The following ADNP2 variants were observed in gnomAD, a reference collection of about 807,000 sequenced individuals.
The protein encoded by ADNP2 is ADNP homeobox 2, also known as activity-dependent neuroprotector homeobox protein 2.
In ADNP2, 8 loss-of-function variants were observed where a neutral mutation model predicts 16.4. That is an observed-to-expected ratio of 0.49 (90% confidence interval 0.29 to 0.88). ADNP2 has a LOEUF of 0.88. ADNP2 is among the 40% of genes least tolerant of loss of function. ADNP2 has a pLI of 0.09. For missense variants in ADNP2, 1,397 were observed against 1,395.1 expected (o/e 1.00, Z -0.02); for synonymous variants, 637 against 545.8 (o/e 1.17, Z -2.33).
chr18:80,125,918 T>A (rs1170284431), intron 2 of ADNP2, among the ~76,000 whole-genome samples: 1 of 152,234 alleles, frequency 6.6e-6, no homozygotes, highest in Non-Finnish European at 1.5e-5. Context: ...ATTGAGTAGT[T>A]GTATGAGAGA....
rs1374770856 is a variant in ADNP2, at chr18:80,139,811, T to C, written c.*1002T>C. Reference sequence around the variant, plus strand: ...AAGTTTACAGACTGAGATCTCAGTCTCCATGGTTGGTACAGTAAGTCTTTG... The same window carrying C: ...AAGTTTACAGACTGAGATCTCAGTCCCCATGGTTGGTACAGTAAGTCTTTG... On this transcript the variant is annotated 3_prime_UTR_variant, in exon 4 of 4. Coordinates refer to ENST00000262198, the MANE Select transcript of ADNP2 (RefSeq NM_014913.4). 2 of 152,338 alleles carry C rather than the reference T, an allele frequency of 1.3e-5. No homozygotes were observed. The highest frequency in any genetic ancestry group is 3.9e-4 in the East Asian group (2 of 5,186). 9.4% of individuals were successfully genotyped at this position (152,338 alleles called of 1,614,324 possible). A position where few individuals can be genotyped will look rare whatever the true frequency, so the allele number is the denominator to read the frequency against.
chr18:80,122,831 C>A (rs750505839), intron 2 of ADNP2, among the ~76,000 whole-genome samples: 1 of 152,134 alleles, frequency 6.6e-6, no homozygotes, highest in Non-Finnish European at 1.5e-5. Context: ...CTGTTTAGAA[C>A]GTCCAGTATA....
rs771915418 is a variant in ADNP2 at position 80,136,031 on chromosome 18, A to G, written c.618A>G (p.Ile206Met). 1.3e-5 allele frequency: 21 copies of G among 1,614,126 alleles called. No individual in the cohort carries two copies. The highest frequency in any genetic ancestry group is 1.7e-5 in the Non-Finnish European group (20 of 1,180,052). The change falls in exon 4 of 4, where the codon ATA (isoleucine) becomes ATG (methionine). Residue 206 changes from isoleucine (I) to methionine (M), a missense_variant. Transcript: ENST00000262198. ...CGAAAACTAACGATACTGTTTCTAT[A>G]GAGAAGATCCCACCACCTGACAAAT... is the stretch of plus-strand genomic sequence containing the variant. ...EQPKTNDTVS[I>M]EKIPPPDKYY...
intron 1 of ADNP2, among the ~76,000 whole-genome samples, chr18:80,111,864 T>C (rs927314673): frequency 1.1e-4 from 16 of 152,238 alleles, no homozygotes; most frequent in African/African-American, 3.9e-4. Context: ...TTTTAGAATG[T>C]ATTTTTTTTT....
chr18:80,109,602 C>T (rs1310937526), intron 1 of ADNP2, 130 bp downstream of exon 1: 2 of 148,688 alleles, frequency 1.3e-5, no homozygotes, highest in Non-Finnish European at 3.0e-5. Context: ...CGCCCGCCGC[C>T]TGCCCTCGCG....
intron 3 of ADNP2, 39 bp from the exon 4 acceptor site, chr18:80,135,573 T>G (rs375983858): frequency 2.5e-5 from 38 of 1,547,848 alleles, no homozygotes; most frequent in Non-Finnish European, 3.1e-5. Flanking sequence ...ATCTGACAGT[T>G]TATTCAATTA....
Position 80,112,342 on chromosome 18 carries a change from T to C in ADNP2, c.-14+2870T>C, listed in dbSNP as rs564090658. On this transcript the variant is annotated intron_variant, in intron 1 of 3. Coordinates refer to ENST00000262198, the MANE Select transcript of ADNP2 (RefSeq NM_014913.4). Reference sequence around the variant, plus strand: ...AAAAGTCAGCTTCCCATCCCCAAAGTGGTTGGCAACAGTTATGAAACCTGT... The same window carrying C: ...AAAAGTCAGCTTCCCATCCCCAAAGCGGTTGGCAACAGTTATGAAACCTGT... Among the ~76,000 whole-genome samples, 113 of 152,074 alleles carry C rather than the reference T, an allele frequency of 7.4e-4. No homozygotes were observed. In the Middle Eastern group the frequency reaches 0.014, roughly 18 times the overall value.
chr18:80,138,544 A>G lies in ADNP2; in HGVS notation c.3131A>G (p.Lys1044Arg), dbSNP rs200163506. ...CTTCAGATTTTAGCATTAGATCCTA[A>G]AAAATATGAAGGCCGTTCTTATGAA... is the stretch of plus-strand genomic sequence containing the variant. ...EALQILALDP[K>R]KYEGRSYEEK... Residue 1044 changes from lysine (K) to arginine (R), a missense_variant, in exon 4 of 4, where the codon AAA (lysine) becomes AGA (arginine). By Grantham distance (26) the Lys-to-Arg change is conservative. Around this residue, in one of 3 missense-constraint regions of ADNP2, gnomAD observed 611 missense variants for 648.7 expected, o/e 0.94. Coordinates refer to ENST00000262198, the MANE Select transcript of ADNP2 (RefSeq NM_014913.4). The G allele has an allele frequency of 7.2e-5, 116 of 1,613,576 alleles. No individual in the cohort carries two copies. Among genetic ancestry groups the G allele is most frequent in the Non-Finnish European group, 9.4e-5 (111 of 1,179,932 alleles).
chr18:80,116,283 C>A (rs1035396296), intron 1 of ADNP2, among the ~76,000 whole-genome samples: 1 of 152,182 alleles, frequency 6.6e-6, no homozygotes, highest in African/African-American at 2.4e-5. Context: ...TTATCAAATG[C>A]CCCAATGCAG....
At chr18:80,126,043 C>T (rs1017123237) in intron 2 of ADNP2, among the ~76,000 whole-genome samples, 3 of 151,912 alleles carry the variant, frequency 2.0e-5, no homozygotes, top group Non-Finnish European at 4.4e-5. Flanking sequence ...TCTCCCATCT[C>T]GGTGTTTGTT....
At chr18:80,110,602 A>G (rs1436681088) in intron 1 of ADNP2, among the ~76,000 whole-genome samples, 2 of 152,202 alleles carry the variant, frequency 1.3e-5, no homozygotes, top group African/African-American at 4.8e-5. Context: ...ACCACATGTA[A>G]AAAGAGTTGT....
chr18:80,129,095 C>CTTTTTTTTTTTTTTTTTTT (rs1424348931), intron 2 of ADNP2, among the ~76,000 whole-genome samples: 1 of 132,210 alleles, frequency 7.6e-6, no homozygotes, highest in Non-Finnish European at 1.6e-5. Context: ...TTACCCAGAA[C>CTTTTTTTTTTTTTTTTTTT]TTTTTTTTTG....
At chr18:80,122,976 C>T (rs1335806141) in intron 2 of ADNP2, among the ~76,000 whole-genome samples, 3 of 151,860 alleles carry the variant, frequency 2.0e-5, no homozygotes, top group Non-Finnish European at 4.4e-5. Flanking sequence ...TGAGGAGAGT[C>T]CCTTCAATTC....
chr18:80,118,131 G>A (rs989590609), intron 2 of ADNP2, among the ~76,000 whole-genome samples: 4 of 152,102 alleles, frequency 2.6e-5, no homozygotes, highest in Middle Eastern at 6.3e-3. Context: ...AATAAAAGTT[G>A]TTGTATATCC....
In ADNP2 at chr18:80,113,500, A is replaced by T. The variant is rs558946146; in HGVS notation, c.-14+4028A>T. 2.0e-5 allele frequency among the ~76,000 whole-genome samples: 3 copies of T among 151,964 alleles called. No individual in the cohort carries two copies. The South Asian group carries it at 6.2e-4, about 32-fold the overall frequency. ...AGACTTTTCCTTCTTTACCTCAATAATTTTTTGATGCTAATTTATTCACCT... is the reference window on the plus strand; with the variant it reads ...AGACTTTTCCTTCTTTACCTCAATATTTTTTTGATGCTAATTTATTCACCT... On this transcript the variant is annotated intron_variant, in intron 1 of 3. Coordinates refer to ENST00000262198, the MANE Select transcript of ADNP2 (RefSeq NM_014913.4).
At chr18:80,127,190 G>A (rs926473098) in intron 2 of ADNP2, among the ~76,000 whole-genome samples, 12 of 152,088 alleles carry the variant, frequency 7.9e-5, no homozygotes, top group East Asian at 1.9e-4. Flanking sequence ...AGGAAAAAAC[G>A]TAGTATATGT....
chr18:80,113,942 G>A (rs377124319), intron 1 of ADNP2, among the ~76,000 whole-genome samples: 3 of 152,006 alleles, frequency 2.0e-5, no homozygotes, highest in South Asian at 2.1e-4. Flanking sequence ...TGTAATCCCC[G>A]TACTTTGAGA....
chr18:80,126,138 A>G (rs933071551), intron 2 of ADNP2, among the ~76,000 whole-genome samples: 2 of 151,630 alleles, frequency 1.3e-5, no homozygotes, highest in African/African-American at 2.4e-5. Flanking sequence ...TTTTATCTCT[A>G]TTACTGGCTT....
At position 80,132,410 on chromosome 18, in the gene ADNP2, A is replaced by G. The variant is rs574290194; in HGVS notation, c.109-693A>G. Among the ~76,000 whole-genome samples, 3 of 152,324 alleles carry G rather than the reference A, an allele frequency of 2.0e-5. No homozygotes were observed. In the East Asian group the frequency reaches 5.8e-4, roughly 29 times the overall value. On this transcript the variant is annotated intron_variant, in intron 2 of 3. Coordinates refer to ENST00000262198, the MANE Select transcript of ADNP2 (RefSeq NM_014913.4). ...GGAAGATGTGCATAGGTTACATGCAAGTAACTGCACGATTTAACATAAGAG... is the reference window on the plus strand; with the variant it reads ...GGAAGATGTGCATAGGTTACATGCAGGTAACTGCACGATTTAACATAAGAG...
Sources: gnomAD v4.1 joint callset for allele counts (sites outside exome capture counted in the v4.1 genomes callset) on GRCh38, gnomAD v4.1.1 for gene constraint, gnomAD v4.1.1 regional missense constraint, MANE v1.5 for transcripts, NCBI Gene and HGNC (gene_info 2026-07-23, HGNC 2026-07-21) for gene names.